KPNA6: variants seen among roughly 807,000 people sequenced by gnomAD.
KPNA6 encodes the protein importin subunit alpha-7.
KPNA6 carries 9 observed loss-of-function variants against 72.0 expected under a neutral mutation model. That is an observed-to-expected ratio of 0.13 (90% confidence interval 0.08 to 0.22). The LOEUF is 0.22. Among genes scored for constraint, KPNA6 ranks in the 10% least tolerant of loss-of-function variants. The probability of loss-of-function intolerance (pLI) is 1.00; values close to 1 mark genes in which losing one functional copy is unlikely to be tolerated. For missense variants in KPNA6, 374 were observed against 655.7 expected, an observed-to-expected ratio of 0.57 and a Z score of 4.69; for synonymous variants, 219 against 242.1, an observed-to-expected ratio of 0.90 and a Z score of 0.89.
chr1:32,162,668 C>T (rs903221493), intron 9 of KPNA6, 144 bp downstream of exon 9: 1 of 793,662 alleles, frequency 1.3e-6, no homozygotes, highest in Non-Finnish European at 2.0e-6. Flanking sequence ...AACCCCGTCT[C>T]TACTAAAAAT....
At chr1:32,119,026 A>ATTTT (rs1221375496) in intron 1 of KPNA6, among the ~76,000 whole-genome samples, 13 of 69,382 alleles carry the variant, frequency 1.9e-4, no homozygotes, top group Admixed American at 5.8e-4. Flanking sequence ...ATATATATAT[A>ATTTT]TATATATTTT....
intron 11 of KPNA6, 91 bp downstream of exon 11, chr1:32,166,321 T>G: frequency 6.8e-7 from 1 of 1,467,766 alleles, no homozygotes. Flanking sequence ...AGAATTTGTT[T>G]CCCTTTAAAA....
At position 32,173,177 on chromosome 1, in the gene KPNA6, A is replaced by AAAAAT; in HGVS notation, c.*2287_*2288insTAAAA. The AAAAAT allele has an allele frequency of 5.5e-6, 2 of 364,106 alleles. No homozygotes were observed. The highest frequency in any genetic ancestry group is 3.9e-5 in the East Asian group (1 of 25,426). 22.6% of individuals were successfully genotyped at this position (364,106 alleles called of 1,614,324 possible). A position where few individuals can be genotyped will look rare whatever the true frequency, so the allele number is the denominator to read the frequency against. On this transcript the variant is annotated 3_prime_UTR_variant, in exon 14 of 14. Coordinates refer to ENST00000373625, the MANE Select transcript of KPNA6 (RefSeq NM_012316.5). ...AAAAACCATTCTCTTACAGTTTAAA[A>AAAAAT]AAAAAAAAAAAAAAAAAGCCTTCCC...
intron 1 of KPNA6, among the ~76,000 whole-genome samples, chr1:32,123,280 T>A (rs989830881): frequency 3.9e-5 from 6 of 152,186 alleles, no homozygotes; most frequent in Non-Finnish European, 4.4e-5. Flanking sequence ...AACTTTTTTT[T>A]AATCACCTTC....
intron 1 of KPNA6, among the ~76,000 whole-genome samples, chr1:32,118,992 GTATACA>G (rs1339026385): frequency 6.1e-4 from 51 of 82,984 alleles, no homozygotes; most frequent in South Asian, 2.3e-3. Flanking sequence ...GTGTGTGTGT[GTATACA>G]TATATATATA....
At chr1:32,111,259 G>A (rs1641239733) in intron 1 of KPNA6, among the ~76,000 whole-genome samples, 1 of 152,170 alleles carries the variant, frequency 6.6e-6, no homozygotes, top group Non-Finnish European at 1.5e-5. Context: ...AACACAGCCA[G>A]TAAGCCACAA....
Position 32,169,333 on chromosome 1 carries a change from C to G in KPNA6, c.1245-549C>G, listed in dbSNP as rs558868246. Among the ~76,000 whole-genome samples the G allele has an allele frequency of 2.6e-5, 4 of 151,626 alleles. No individual in the cohort carries two copies. The East Asian group carries it at 7.8e-4, about 30-fold the overall frequency. Reference sequence around the variant, plus strand: ...TGAGCTGGGATCGCACCAGTGCACCCCAGCCTGGGTGACAGAGCAAGACCC... The same window carrying G: ...TGAGCTGGGATCGCACCAGTGCACCGCAGCCTGGGTGACAGAGCAAGACCC... On this transcript the variant is annotated intron_variant, in intron 12 of 13. Transcript: ENST00000373625.
rs556923839 is a variant in KPNA6, at chr1:32,108,056, A to G, written c.-75A>G. The G allele has an allele frequency of 1.2e-6, 2 of 1,609,606 alleles. No individual in the cohort carries two copies. Among genetic ancestry groups the G allele is most frequent in the East Asian group, 4.5e-5 (2 of 44,840 alleles). On this transcript the variant is annotated 5_prime_UTR_variant, in exon 1 of 14. Transcript: ENST00000373625. ...CGGGCTGCCGTCCTACAGATCCGCC[A>G]TATTGTCTACTGAAAGCTGCCGCTG... is the stretch of plus-strand genomic sequence containing the variant.
At chr1:32,113,603 C>T (rs534334527) in intron 1 of KPNA6, among the ~76,000 whole-genome samples, 1 of 152,176 alleles carries the variant, frequency 6.6e-6, no homozygotes, top group Admixed American at 6.5e-5. Flanking sequence ...CAGGCATGCA[C>T]CACCATGCCC....
intron 1 of KPNA6, among the ~76,000 whole-genome samples, chr1:32,115,582 C>G (rs1172817505): frequency 6.6e-6 from 1 of 151,862 alleles, no homozygotes; most frequent in Non-Finnish European, 1.5e-5. Flanking sequence ...TGTGTGCCAC[C>G]ACACTCAGCC....
At chr1:32,119,272 C>T (rs1426366763) in intron 1 of KPNA6, among the ~76,000 whole-genome samples, 1 of 151,642 alleles carries the variant, frequency 6.6e-6, no homozygotes, top group Admixed American at 6.6e-5. Flanking sequence ...CTCAGGTTAT[C>T]CGCCTGCCTC....
chr1:32,142,458 T>C (rs901572170), intron 1 of KPNA6, among the ~76,000 whole-genome samples: 1 of 152,120 alleles, frequency 6.6e-6, no homozygotes, highest in Non-Finnish European at 1.5e-5. Context: ...TCTTCAAATA[T>C]AGACGCGTTT....
chr1:32,133,683 C>G (rs1641681299), intron 1 of KPNA6, among the ~76,000 whole-genome samples: 1 of 151,938 alleles, frequency 6.6e-6, no homozygotes, highest in Admixed American at 6.6e-5. Context: ...AAACCTGTCT[C>G]AAAAACAAAA....
At chr1:32,132,093 C>T (rs1421635757) in intron 1 of KPNA6, among the ~76,000 whole-genome samples, 1 of 151,800 alleles carries the variant, frequency 6.6e-6, no homozygotes, top group East Asian at 1.9e-4. Context: ...GCCTCAGCCT[C>T]CCAAGTAGCT....
intron 1 of KPNA6, among the ~76,000 whole-genome samples, chr1:32,136,018 C>A (rs901780452): frequency 6.6e-6 from 1 of 152,132 alleles, no homozygotes; most frequent in African/African-American, 2.4e-5. Context: ...CTAACATGCT[C>A]TTTAATTTGT....
intron 1 of KPNA6, among the ~76,000 whole-genome samples, chr1:32,109,440 G>A (rs1424743409): frequency 6.6e-6 from 1 of 151,936 alleles, no homozygotes; most frequent in African/African-American, 2.4e-5. Context: ...CCAAAGTGCT[G>A]GGATTACAGG....
intron 1 of KPNA6, chr1:32,143,038 G>T: frequency 8.0e-7 from 1 of 1,247,110 alleles, no homozygotes; most frequent in Non-Finnish European, 1.1e-6. Flanking sequence ...ATAGGGGACA[G>T]CAGTTCATAG....
At chr1:32,167,011 G>A (rs1302417671) in intron 11 of KPNA6, among the ~76,000 whole-genome samples, 158 bp from the exon 12 acceptor site, 1 of 152,042 alleles carries the variant, frequency 6.6e-6, no homozygotes, top group Non-Finnish European at 1.5e-5. Context: ...ACCAAAACTG[G>A]GTTCTTCTGT....
At chr1:32,113,662 G>T (rs1295811791) in intron 1 of KPNA6, among the ~76,000 whole-genome samples, 2 of 151,966 alleles carry the variant, frequency 1.3e-5, no homozygotes, top group Non-Finnish European at 2.9e-5. Flanking sequence ...AGCCTGTCTT[G>T]AACTGGGCTC....
Sources: gnomAD v4.1 joint callset for allele counts (sites outside exome capture counted in the v4.1 genomes callset) on GRCh38, gnomAD v4.1.1 for gene constraint, MANE v1.5 for transcripts, NCBI Gene and HGNC (gene_info 2026-07-23, HGNC 2026-07-21) for gene names.